ASH1L: variants seen among roughly 807,000 people sequenced by gnomAD.
ASH1L encodes histone-lysine N-methyltransferase ASH1L.
In ASH1L, 23 loss-of-function variants were observed where a neutral mutation model predicts 269.0. The ratio of observed to expected loss-of-function variants is 0.09; its 90% CI spans 0.06 to 0.12. The LOEUF is 0.12. Ranked by LOEUF, ASH1L falls within the 10% of genes least tolerant of loss-of-function variation. The probability of loss-of-function intolerance (pLI) is 1.00; values close to 1 mark genes in which losing one functional copy is unlikely to be tolerated. For missense variants in ASH1L, 2,912 were observed against 3,567.8 expected, an observed-to-expected ratio of 0.82 and a Z score of 4.68; for synonymous variants, 1,187 against 1,253.5, an observed-to-expected ratio of 0.95 and a Z score of 1.12.
chr1:155,417,233 C>G (rs904691922), intron 5 of ASH1L, among the ~76,000 whole-genome samples: 4 of 151,902 alleles, frequency 2.6e-5, no homozygotes, highest in Non-Finnish European at 5.9e-5. Context: ...TCACGCCCAG[C>G]CTCCACCTTG....
chr1:155,390,367 A>C (rs1466497838), intron 7 of ASH1L, among the ~76,000 whole-genome samples: 3 of 152,192 alleles, frequency 2.0e-5, no homozygotes, highest in Non-Finnish European at 4.4e-5. Flanking sequence ...CACATAAAAA[A>C]TTTCAGTTCT....
chr1:155,493,065 C>T (rs1666918524), intron 2 of ASH1L, among the ~76,000 whole-genome samples: 1 of 152,186 alleles, frequency 6.6e-6, no homozygotes, highest in Non-Finnish European at 1.5e-5. Flanking sequence ...GATCTGGCTA[C>T]CTCAGCCTCC....
chr1:155,380,268 T>G lies in ASH1L; in HGVS notation c.6104-152A>C, dbSNP rs1656817751. The G allele has an allele frequency of 8.5e-6, 5 of 585,028 alleles. 1 individual carries two copies. The South Asian group carries it at 1.2e-4, about 14-fold the overall frequency. The allele number at this position is 585,028 out of a possible 1,614,324, so 36.2% of individuals were successfully genotyped here. The stretch of plus-strand genomic sequence containing the variant: ...TCCATCACCAATTTTTAATTTTAGC[T>G]CTTCTTTCCCACTATACTCCACACG... On this transcript the variant is annotated intron_variant, in intron 7 of 27. Transcript: ENST00000392403.
chr1:155,478,336 C>G lies in ASH1L; in HGVS notation c.4534G>C (p.Glu1512Gln). ...CCAAATCTATAGCGCTTCAAAGATT[C>G]CAGGACAGATCGGGAAGAGCCAGTG... ...MDTGSSRSVL[E>Q]SLKRYRFGKD... The change falls in exon 3 of 28, where the codon GAA (glutamate) becomes CAA (glutamine). Residue 1512 changes from glutamate to glutamine, a missense_variant. Glu to Gln is a conservative substitution (Grantham distance 29). Coordinates refer to ENST00000392403, the MANE Select transcript of ASH1L (RefSeq NM_018489.3). The surrounding 1 kb of genome is among the most constrained non-coding windows in gnomAD (Gnocchi z 4.6). 1 of 1,614,076 alleles carries G rather than the reference C, an allele frequency of 6.2e-7. No homozygotes were observed. Among genetic ancestry groups the G allele is most frequent in the Non-Finnish European group, 8.5e-7 (1 of 1,180,010 alleles).
At position 155,482,242 on chromosome 1, in the gene ASH1L, G is replaced by A; in HGVS notation, c.628C>T (p.Leu210Phe). 6.2e-7 allele frequency: 1 copy of A among 1,614,172 alleles called. No homozygotes were observed. Among genetic ancestry groups the A allele is most frequent in the Non-Finnish European group, 8.5e-7 (1 of 1,180,026 alleles). Reference protein sequence around the residue: ...RDPDLKDRALLNGGTSVTEKL... With the variant: ...RDPDLKDRALFNGGTSVTEKL... The stretch of plus-strand genomic sequence containing the variant: ...TCTGTTACACTAGTTCCTCCATTAA[G>A]TAATGCTCTGTCCTTTAAATCAGGA... The change falls in exon 3 of 28, where the codon CTT becomes TTT. Residue 210 changes from leucine to phenylalanine, a missense_variant. By Grantham distance (22) the Leu-to-Phe change is conservative. Coordinates refer to ENST00000392403, the MANE Select transcript of ASH1L (RefSeq NM_018489.3).
intron 10 of ASH1L, among the ~76,000 whole-genome samples, chr1:155,377,577 AC>A (rs990747470): frequency 2.0e-5 from 3 of 151,484 alleles, no homozygotes; most frequent in African/African-American, 7.4e-5. Context: ...AAAAAACAAA[AC>A]AAAACAAAAC....
intron 1 of ASH1L, among the ~76,000 whole-genome samples, chr1:155,541,053 G>A (rs981775099): frequency 6.6e-6 from 1 of 152,108 alleles, no homozygotes; most frequent in African/African-American, 2.4e-5. Context: ...ACCCTGCTAA[G>A]TGCATATCCA....
At chr1:155,503,948 C>T (rs1038120653) in intron 2 of ASH1L, among the ~76,000 whole-genome samples, 7 of 152,164 alleles carry the variant, frequency 4.6e-5, no homozygotes, top group African/African-American at 1.7e-4. Flanking sequence ...GTCTTGAACT[C>T]CTGAGCTCAA....
Position 155,338,378 on chromosome 1 carries a change from C to T in ASH1L, c.8514G>A (p.Lys2838=), listed in dbSNP as rs543500543. The T allele has an allele frequency of 1.2e-5, 19 of 1,612,024 alleles. No individual in the cohort carries two copies. The South Asian group carries it at 2.0e-4, about 17-fold the overall frequency. Residue 2838 remains lysine, a synonymous_variant, in exon 27 of 28, where the codon AAG becomes AAA. Transcript: ENST00000392403. ...TTAGGGGTGGCTTTGAGCGCTCAGACTTCCAGGATGATCTGCCAGAAGGAT... is the reference window on the plus strand; with the variant it reads ...TTAGGGGTGGCTTTGAGCGCTCAGATTTCCAGGATGATCTGCCAGAAGGAT... The part of the protein sequence containing the change: ...YKRNGGRSSW[K]SERSKPPLKD...
At chr1:155,342,709 T>C (rs937914713) in intron 24 of ASH1L, among the ~76,000 whole-genome samples, 2 of 152,168 alleles carry the variant, frequency 1.3e-5, no homozygotes, top group East Asian at 1.9e-4. Flanking sequence ...TTAAAATAGA[T>C]AGTCCTTATT....
intron 5 of ASH1L, among the ~76,000 whole-genome samples, chr1:155,429,203 T>C (rs1661420373): frequency 6.6e-6 from 1 of 152,178 alleles, no homozygotes; most frequent in Admixed American, 6.5e-5. Flanking sequence ...ACATACATAA[T>C]TTAACATGAC....
intron 5 of ASH1L, among the ~76,000 whole-genome samples, chr1:155,425,442 AT>A (rs796221994): frequency 2.8e-3 from 292 of 102,948 alleles, no homozygotes; most frequent in Non-Finnish European, 3.0e-3. Context: ...ATGCAGGGCT[AT>A]TTTTTTTTTT....
At position 155,426,822 on chromosome 1, in the gene ASH1L, G is replaced by A. The variant is rs573324701; in HGVS notation, c.5829-10899C>T. On this transcript the variant is annotated intron_variant, in intron 5 of 27. Transcript: ENST00000392403. ...CAGTTCATCTGTGAGTTTAAGTATC[G>A]CAAATCTCAAATCTGTGTTGTTCAA... Among the ~76,000 whole-genome samples the A allele has an allele frequency of 9.2e-5, 14 of 152,054 alleles. No individual in the cohort carries two copies. The South Asian group carries it at 2.9e-3, about 32-fold the overall frequency.
At chr1:155,521,646 A>T in intron 1 of ASH1L, 28 bp from the exon 2 acceptor site, 1 of 901,210 alleles carries the variant, frequency 1.1e-6, no homozygotes, top group East Asian at 2.5e-5. Flanking sequence ...ACAAAAATTT[A>T]TCAGAAAAGA....
intron 2 of ASH1L, among the ~76,000 whole-genome samples, chr1:155,494,992 A>G (rs1389277150): frequency 1.3e-5 from 2 of 152,220 alleles, no homozygotes; most frequent in Non-Finnish European, 1.5e-5. Context: ...AATGAAGCAC[A>G]TATTTCCAGG....
At chr1:155,367,325 G>A (rs1655523095) in intron 12 of ASH1L, among the ~76,000 whole-genome samples, 1 of 152,052 alleles carries the variant, frequency 6.6e-6, no homozygotes, top group African/African-American at 2.4e-5. Flanking sequence ...TTTCTACTTG[G>A]TTGTTGCTAA....
intron 1 of ASH1L, among the ~76,000 whole-genome samples, chr1:155,530,040 T>C (rs996295117): frequency 3.3e-5 from 5 of 152,146 alleles, no homozygotes; most frequent in Non-Finnish European, 7.4e-5. Context: ...CTCTTTACCT[T>C]GGGACCTTTG....
At chr1:155,515,173 T>C (rs1475789560) in intron 2 of ASH1L, among the ~76,000 whole-genome samples, 1 of 152,156 alleles carries the variant, frequency 6.6e-6, no homozygotes, top group African/African-American at 2.4e-5. Context: ...CCGCCAGCAC[T>C]GATCAACAAA....
intron 10 of ASH1L, among the ~76,000 whole-genome samples, chr1:155,372,696 G>C (rs1656075255): frequency 6.6e-6 from 1 of 151,266 alleles, no homozygotes; most frequent in Non-Finnish European, 1.5e-5. Flanking sequence ...CTGTAGCCTC[G>C]AACTCCTTGG....
Sources: allele counts gnomAD v4.1 joint callset (sites outside exome capture counted in the v4.1 genomes callset), GRCh38; gene constraint gnomAD v4.1.1; non-coding constraint Gnocchi (gnomAD v3.1); transcripts MANE v1.5; gene names NCBI Gene and HGNC (gene_info 2026-07-23, HGNC 2026-07-21).